DHRS7: variants seen among roughly 807,000 people sequenced by gnomAD.
DHRS7 encodes the protein dehydrogenase/reductase SDR family member 7.
DHRS7 carries 34 observed loss-of-function variants against 38.9 expected under a neutral mutation model. That is an observed-to-expected ratio of 0.87 (90% CI 0.66 to 1.16). DHRS7 has a LOEUF of 1.16. Ranked by LOEUF, DHRS7 falls within the 50% of genes most tolerant of loss-of-function variation. The pLI is 0.00. For synonymous variants in DHRS7, 158 were observed against 153.1 expected, an observed-to-expected ratio of 1.03 and a Z score of -0.24; for missense variants, 421 against 407.0, an observed-to-expected ratio of 1.03 and a Z score of -0.30.
At position 60,148,011 on chromosome 14, in the gene DHRS7, T is replaced by A. The variant is rs1192003851; in HGVS notation, c.972+1342A>T. On this transcript the variant is annotated intron_variant, in intron 6 of 6. Transcript: ENST00000557185. This position sits in a 1 kb window ranked among gnomAD's most constrained non-coding sequence, Gnocchi z 4.8. Reference sequence around the variant, plus strand: ...ACAATACCAAAACACTCATAAGGGATCTGGCCCAAAGCAAACTGTTCCACA... The same window carrying A: ...ACAATACCAAAACACTCATAAGGGAACTGGCCCAAAGCAAACTGTTCCACA... 3.9e-5 allele frequency: 6 copies of A among 152,202 alleles called. No individual in the cohort carries two copies. Among genetic ancestry groups the A allele is most frequent in the African/African-American group, 1.4e-4 (6 of 41,444 alleles). 9.4% of individuals were successfully genotyped at this position (152,202 alleles called of 1,614,324 possible).
chr14:60,156,032 T>C lies in DHRS7; in HGVS notation c.254A>G (p.His85Arg). The C allele has an allele frequency of 1.9e-6, 3 of 1,594,362 alleles. No homozygotes were observed. Among genetic ancestry groups the C allele is most frequent in the Non-Finnish European group, 1.7e-6 (2 of 1,170,862 alleles). ...VSLVLSARRV[H>R]ELERVKRRCL... is the part of the protein sequence containing the mutation. The stretch of plus-strand genomic sequence containing the variant: ...TCTTCTTTTCACCCTTTCCAGCTCA[T>C]GCACTCTTCTGGCTGACAGCACAAG... Residue 85 changes from histidine to arginine, a missense_variant, in exon 2 of 7, where the codon CAT (histidine) becomes CGT (arginine). Physicochemically the swap from His to Arg is conservative, Grantham distance 29. Coordinates refer to ENST00000557185, the MANE Select transcript of DHRS7 (RefSeq NM_016029.4).
At chr14:60,168,220 T>C (rs1896890469), upstream of DHRS7, among the ~76,000 whole-genome samples, 1 of 152,196 alleles carries the variant, frequency 6.6e-6, no homozygotes, top group South Asian at 2.1e-4. Flanking sequence ...ATCAGTGCAT[T>C]GATATTTTGT....
intron 1 of DHRS7, among the ~76,000 whole-genome samples, chr14:60,159,866 A>G (rs1270932618): frequency 6.6e-6 from 1 of 152,238 alleles, no homozygotes; most frequent in African/African-American, 2.4e-5. Context: ...AAACTTAACC[A>G]AATGAAGACA....
chr14:60,164,920 C>A (rs1261322084), intron 1 of DHRS7, among the ~76,000 whole-genome samples: 1 of 152,238 alleles, frequency 6.6e-6, no homozygotes, highest in Non-Finnish European at 1.5e-5. Context: ...CAGTTTGGCA[C>A]TCCCTGGAGA....
intron 1 of DHRS7, among the ~76,000 whole-genome samples, chr14:60,160,324 A>G (rs1463036485): frequency 3.3e-5 from 5 of 151,604 alleles, no homozygotes; most frequent in Admixed American, 2.6e-4. Context: ...TCAAAAAACA[A>G]AAAACAAAAA....
intron 4 of DHRS7, 44 bp downstream of exon 4, chr14:60,152,895 A>G (rs1452314329): frequency 6.2e-7 from 1 of 1,609,228 alleles, no homozygotes; most frequent in Middle Eastern, 1.7e-4. Flanking sequence ...CCCCATATAC[A>G]CATTTAAGTC....
At chr14:60,160,160 T>C (rs1896735455) in intron 1 of DHRS7, among the ~76,000 whole-genome samples, 2 of 151,964 alleles carry the variant, frequency 1.3e-5, no homozygotes, top group East Asian at 3.9e-4. Flanking sequence ...ACCCCATCTC[T>C]ACTAAAAATA....
chr14:60,150,880 T>C (rs1375937675), intron 4 of DHRS7, among the ~76,000 whole-genome samples: 1 of 152,168 alleles, frequency 6.6e-6, no homozygotes, highest in Non-Finnish European at 1.5e-5. Flanking sequence ...CAATGATTTT[T>C]ATGGTAGGCA....
chr14:60,165,799 A>G (rs1595204500), upstream of DHRS7, among the ~76,000 whole-genome samples: 1 of 152,134 alleles, frequency 6.6e-6, no homozygotes, highest in Non-Finnish European at 1.5e-5. The surrounding 1 kb of genome is among the most constrained non-coding windows in gnomAD (Gnocchi z 4.6). Flanking sequence ...AAGCTTCAGT[A>G]TCTTTTCATG....
At chr14:60,155,962 T>C (rs1319663886) in intron 2 of DHRS7, 38 bp downstream of exon 2, 1 of 1,464,902 alleles carries the variant, frequency 6.8e-7, no homozygotes, top group South Asian at 1.5e-5. Context: ...GACTGATTTA[T>C]TTCTAGGAAG....
intron 1 of DHRS7, among the ~76,000 whole-genome samples, chr14:60,157,043 GTTAT>G (rs1447014881): frequency 6.6e-6 from 1 of 152,140 alleles, no homozygotes; most frequent in Non-Finnish European, 1.5e-5. Context: ...TAAAATATAT[GTTAT>G]TTATCAAAAA....
intron 2 of DHRS7, 102 bp downstream of exon 2, chr14:60,155,898 G>A: frequency 2.5e-6 from 3 of 1,199,882 alleles, no homozygotes; most frequent in Non-Finnish European, 3.3e-6. Context: ...AACATTTGGA[G>A]CCGGGGGGAA....
At chr14:60,155,587 A>G (rs1224794000) in intron 2 of DHRS7, among the ~76,000 whole-genome samples, 2 of 152,354 alleles carry the variant, frequency 1.3e-5, no homozygotes, top group Non-Finnish European at 1.5e-5. Context: ...TATCCTATAT[A>G]ATAAGTCTTA....
chr14:60,166,288 G>A, upstream of DHRS7: 2 of 985,366 alleles, frequency 2.0e-6, no homozygotes, highest in Non-Finnish European at 2.4e-6. Context: ...GCCTCAGAGG[G>A]ACCCAGTTAG....
At position 60,144,938 on chromosome 14, in the gene DHRS7, A is replaced by G; in HGVS notation, c.*28T>C. The G allele has an allele frequency of 1.9e-6, 3 of 1,576,100 alleles. No homozygotes were observed. The highest frequency in any genetic ancestry group is 1.4e-5 in the African/African-American group (1 of 73,204). On this transcript the variant is annotated 3_prime_UTR_variant, in exon 7 of 7. Transcript: ENST00000557185. The stretch of plus-strand genomic sequence containing the variant: ...TTTCATGTTTTCCATTTCTCCCTCC[A>G]GTGGCTTGAAAAGTACAGGTGCTCT...
rs1030408571 is a variant in DHRS7 at position 60,144,519 on chromosome 14, T to C, written c.*447A>G. 1 of 180,764 alleles carries C rather than the reference T, an allele frequency of 5.5e-6. No individual in the cohort carries two copies. Among genetic ancestry groups the C allele is most frequent in the Admixed American group, 6.1e-5 (1 of 16,378 alleles). The allele number at this position is 180,764 out of a possible 1,614,324, so 11.2% of individuals were successfully genotyped here. The stretch of plus-strand genomic sequence containing the variant: ...ACATACATTCCTCCACTGTGGAGGA[T>C]GCAGCAATGAGGTGCCATCTTGGAA... On this transcript the variant is annotated 3_prime_UTR_variant, in exon 7 of 7. Transcript: ENST00000557185.
chr14:60,167,438 G>C (rs1198458952), upstream of DHRS7, among the ~76,000 whole-genome samples: 1 of 152,204 alleles, frequency 6.6e-6, no homozygotes, highest in Admixed American at 6.5e-5. Context: ...AATTCCAGAT[G>C]TAATAGAATG....
upstream of DHRS7, chr14:60,166,344 T>C (rs778626008): frequency 6.7e-6 from 6 of 901,534 alleles, no homozygotes; most frequent in Non-Finnish European, 6.6e-6. Context: ...TGTGGCCAAA[T>C]GGAGAAAGTT....
At chr14:60,166,299 A>G (rs1896866237), upstream of DHRS7, 7 of 985,358 alleles carry the variant, frequency 7.1e-6, no homozygotes, top group Non-Finnish European at 8.4e-6. Flanking sequence ...ACCCAGTTAG[A>G]GTGCATAGAA....
Sources: gnomAD v4.1 joint callset for allele counts (sites outside exome capture counted in the v4.1 genomes callset) on GRCh38, gnomAD v4.1.1 for gene constraint, Gnocchi (gnomAD v3.1) non-coding constraint, MANE v1.5 for transcripts, NCBI Gene and HGNC (gene_info 2026-07-23, HGNC 2026-07-21) for gene names.